Variants in CFAP251 observed in about 807,000 individuals in gnomAD.
CFAP251 encodes cilia and flagella associated protein 251.
A neutral mutation model predicts 126.7 loss-of-function variants in CFAP251; 93 were observed. The ratio of observed to expected loss-of-function variants is 0.73; its 90% CI spans 0.62 to 0.87. The LOEUF (loss-of-function observed/expected upper bound fraction) is 0.87, where lower values mean the gene tolerates loss of function less well. Ranked by LOEUF, CFAP251 falls within the 40% of genes least tolerant of loss-of-function variation. CFAP251 has a pLI of 0.00. For synonymous variants in CFAP251, 503 were observed against 506.9 expected (o/e 0.99, Z 0.10); for missense variants, 1,287 against 1,389.2 (o/e 0.93, Z 1.17).
chr12:121,962,709 A>G (rs1881983159), intron 15 of CFAP251, among the ~76,000 whole-genome samples: 1 of 58,640 alleles, frequency 1.7e-5, no homozygotes, highest in Non-Finnish European at 6.4e-5. Context: ...GAAAAAAAAA[A>G]AAAGGAAAAG....
chr12:121,970,166 A>G (rs1339368156), intron 17 of CFAP251, among the ~76,000 whole-genome samples: 2 of 152,126 alleles, frequency 1.3e-5, no homozygotes, highest in African/African-American at 4.8e-5. Context: ...ATCACAGTCT[A>G]TGGCGCTTCT....
At chr12:121,928,650 ATATATACG>A (rs1565902604) in intron 3 of CFAP251, among the ~76,000 whole-genome samples, 1,893 of 32,460 alleles carry the variant, frequency 0.058, 76 homozygotes, top group Non-Finnish European at 0.13. Flanking sequence ...ATATATATAT[ATATATACG>A]TATATATATA....
chr12:121,921,811 A>G (rs1880192987), intron 2 of CFAP251, 128 bp downstream of exon 2: 4 of 615,024 alleles, frequency 6.5e-6, no homozygotes, highest in Admixed American at 3.8e-5. Context: ...TTTTTTTGAG[A>G]CAGAGTCTCA....
intron 10 of CFAP251, chr12:121,956,004 C>A (rs1041080987): frequency 6.6e-6 from 1 of 152,148 alleles, no homozygotes. Flanking sequence ...TAATCAGAAA[C>A]CTCATTTAAC....
At chr12:121,957,355 G>A in intron 11 of CFAP251, 87 bp downstream of exon 11, 2 of 1,314,780 alleles carry the variant, frequency 1.5e-6, no homozygotes, top group Non-Finnish European at 2.1e-6. Flanking sequence ...GGTTCGTGTT[G>A]TTCCTGGGAT....
chr12:121,990,736 T>G (rs1441607737), intron 19 of CFAP251, among the ~76,000 whole-genome samples: 1 of 152,190 alleles, frequency 6.6e-6, no homozygotes, highest in African/African-American at 2.4e-5. Flanking sequence ...TCAGTATTTT[T>G]ACACCTGATT....
chr12:121,950,098 G>A (rs1003780043), intron 8 of CFAP251: 1 of 152,218 alleles, frequency 6.6e-6, no homozygotes, highest in Non-Finnish European at 1.5e-5. Flanking sequence ...ATCAACTGAT[G>A]AGTAGGTAAA....
rs754134534 is a variant in CFAP251, at chr12:121,948,957, A to G, written c.1192-27A>G. The G allele has an allele frequency of 1.6e-5, 22 of 1,337,644 alleles. 1 individual carries two copies. In the East Asian group the frequency reaches 2.5e-4, roughly 15 times the overall value. The allele number at this position is 1,337,644 out of a possible 1,614,324, so 82.9% of individuals were successfully genotyped here. A position where few individuals can be genotyped will look rare whatever the true frequency, so the allele number is the denominator to read the frequency against. ...AACCAGAAACAGAAAATTTATCATT[A>G]ATGTATTTTCATACTTTATATTTCA... On this transcript the variant is annotated intron_variant, in intron 7 of 21. Transcript: ENST00000288912.
intron 17 of CFAP251, among the ~76,000 whole-genome samples, chr12:121,972,254 G>A (rs671293): frequency 0.67 from 102,558 of 152,110 alleles, 37,046 homozygotes; most frequent in Non-Finnish European, 0.82. Flanking sequence ...GATGTGGGAA[G>A]GTTTGGAACT....
intron 17 of CFAP251, among the ~76,000 whole-genome samples, chr12:121,973,660 A>G (rs1292791780): frequency 2.0e-5 from 3 of 152,196 alleles, no homozygotes; most frequent in Non-Finnish European, 4.4e-5. Flanking sequence ...ACCTGGATAT[A>G]AGACATGGAG....
At chr12:121,934,493 G>T in intron 5 of CFAP251, 137 bp downstream of exon 5, 1 of 618,794 alleles carries the variant, frequency 1.6e-6, no homozygotes, top group Non-Finnish European at 2.8e-6. Context: ...GGCTTATGCT[G>T]ACTCACACTA....
chr12:121,923,477 A>G (rs1880274446), intron 2 of CFAP251, 145 bp from the exon 3 acceptor site: 1 of 1,125,006 alleles, frequency 8.9e-7, no homozygotes, highest in South Asian at 1.6e-5. Context: ...TTTTTTAAGT[A>G]CAAAATGTTC....
chr12:121,988,626 C>T (rs1403181576), intron 19 of CFAP251, among the ~76,000 whole-genome samples: 7 of 152,120 alleles, frequency 4.6e-5, no homozygotes, highest in Non-Finnish European at 1.0e-4. Context: ...TTTTATGTAT[C>T]CATTCACGAA....
intron 9 of CFAP251, chr12:121,952,993 T>C (rs1881587208): frequency 1.3e-5 from 2 of 152,206 alleles, no homozygotes; most frequent in East Asian, 1.9e-4. Context: ...TTTTCACCAA[T>C]TGATCAATAC....
intron 15 of CFAP251, among the ~76,000 whole-genome samples, chr12:121,966,427 A>ATTTTTT (rs1159106051): frequency 7.3e-5 from 4 of 54,706 alleles, no homozygotes; most frequent in Non-Finnish European, 1.1e-4. Context: ...TGCCTGGCTA[A>ATTTTTT]TTTTTTTTTT....
At chr12:121,927,229 A>G (rs905338292) in intron 3 of CFAP251, among the ~76,000 whole-genome samples, 1 of 148,724 alleles carries the variant, frequency 6.7e-6, no homozygotes, top group Non-Finnish European at 1.5e-5. Context: ...CTGCATTTCT[A>G]CAAAATGTTT....
chr12:121,946,536 C>T (rs1881332834), intron 7 of CFAP251, among the ~76,000 whole-genome samples: 1 of 152,102 alleles, frequency 6.6e-6, no homozygotes, highest in African/African-American at 2.4e-5. Flanking sequence ...TGTCTCTCTC[C>T]TTGGCCCCCA....
At chr12:121,999,116 T>G (rs1358705230) in intron 19 of CFAP251, 1 of 152,058 alleles carries the variant, frequency 6.6e-6, no homozygotes, top group Non-Finnish European at 1.5e-5. Context: ...TGTTAAATGC[T>G]TTTTTTCTAT....
At position 122,003,092 on chromosome 12, in the gene CFAP251, A is replaced by T. The variant is rs187802552; in HGVS notation, c.3338-560A>T. ...TTGAAACAGAAAAATCAATCATACC[A>T]TGTGGTTAAGGCTTTCCAGTAAGGT... On this transcript the variant is annotated intron_variant, in intron 21 of 21. Transcript: ENST00000288912. Among the ~76,000 whole-genome samples, 300 of 152,212 alleles carry T rather than the reference A, an allele frequency of 2.0e-3. 1 individual carries two copies. The highest frequency in any genetic ancestry group is 2.4e-3 in the Non-Finnish European group (165 of 68,008).
Sources: gnomAD v4.1 joint callset for allele counts (sites outside exome capture counted in the v4.1 genomes callset) on GRCh38, gnomAD v4.1.1 for gene constraint, MANE v1.5 for transcripts, NCBI Gene and HGNC (gene_info 2026-07-23, HGNC 2026-07-21) for gene names.